SLC35H1: variants seen among roughly 807,000 people sequenced by gnomAD.
SLC35H1 encodes the protein solute carrier family 35 member H1.
chr20:46,351,013 TG>T, the SLC35H1 span: 3 of 1,298,160 alleles, frequency 2.3e-6, no homozygotes, highest in Non-Finnish European at 3.2e-6. Flanking sequence ...ACTGAAATCC[TG>T]GGCCCAGGCA....
the SLC35H1 span, among the ~76,000 whole-genome samples, chr20:46,354,431 G>C: frequency 6.6e-6 from 1 of 152,150 alleles, no homozygotes; most frequent in Non-Finnish European, 1.5e-5. Flanking sequence ...CCATTCCTTA[G>C]AGGCAAGATA....
chr20:46,358,728 T>G, the SLC35H1 span: 3 of 1,549,890 alleles, frequency 1.9e-6, no homozygotes, highest in Non-Finnish European at 2.6e-6. Flanking sequence ...CTTCCCATGG[T>G]TAATTGGATG....
At chr20:46,354,961 GAGGCCTGC>G in the SLC35H1 span, 2 of 1,613,998 alleles carry the variant, frequency 1.2e-6, no homozygotes, top group Non-Finnish European at 1.7e-6. Context: ...TGGGATTCTG[GAGGCCTGC>G]AGGGCGGGGG....
the SLC35H1 span, chr20:46,355,770 C>T: frequency 6.2e-7 from 1 of 1,613,548 alleles, no homozygotes; most frequent in Admixed American, 1.7e-5. The surrounding 1 kb of genome is among the most constrained non-coding windows in gnomAD (Gnocchi z 4.8). Context: ...TCTGTGGGGG[C>T]AGGAAGGACA....
the SLC35H1 span, among the ~76,000 whole-genome samples, chr20:46,359,527 GA>G: frequency 6.6e-6 from 1 of 152,188 alleles, no homozygotes; most frequent in Non-Finnish European, 1.5e-5. Context: ...GTTAAAAATG[GA>G]GAAGGAAACC....
chr20:46,357,903 G>A, the SLC35H1 span: 1 of 929,948 alleles, frequency 1.1e-6, no homozygotes, highest in South Asian at 1.6e-5. Context: ...TGCTATGTGT[G>A]TAGGGCCCTT....
At chr20:46,355,116 A>G in the SLC35H1 span, 13 of 1,613,986 alleles carry the variant, frequency 8.1e-6, no homozygotes, top group Non-Finnish European at 1.1e-5. This position sits in a 1 kb window ranked among gnomAD's most constrained non-coding sequence, Gnocchi z 4.8. Flanking sequence ...GGGTCCAGCG[A>G]ATGCCACCGA....
the SLC35H1 span, chr20:46,355,947 G>A: frequency 1.3e-6 from 2 of 1,597,076 alleles, no homozygotes; most frequent in South Asian, 1.1e-5. The surrounding 1 kb of genome is among the most constrained non-coding windows in gnomAD (Gnocchi z 4.8). Flanking sequence ...AGGAGCAGGA[G>A]CACAAATCAC....
chr20:46,350,450 G>A, the SLC35H1 span: 19 of 1,613,388 alleles, frequency 1.2e-5, no homozygotes, highest in Middle Eastern at 1.6e-4. Flanking sequence ...CCTTCCTCCC[G>A]CTGGCTGCTC....
the SLC35H1 span, chr20:46,352,484 G>A: frequency 1.8e-5 from 8 of 441,146 alleles, no homozygotes; most frequent in African/African-American, 4.0e-5. Context: ...AGGATGATGC[G>A]GATCCTAGCG....
the SLC35H1 span, chr20:46,350,174 C>T: frequency 4.8e-6 from 2 of 413,394 alleles, no homozygotes; most frequent in African/African-American, 2.0e-5. Flanking sequence ...GCAGCTTGGG[C>T]CCAGCTCTGG....
the SLC35H1 span, chr20:46,352,008 C>A: frequency 1.3e-6 from 2 of 1,599,020 alleles, no homozygotes; most frequent in Non-Finnish European, 1.7e-6. Flanking sequence ...CCCCTGGGGG[C>A]TCCCTCTCTA....
chr20:46,356,757 G>T, the SLC35H1 span: 3 of 849,974 alleles, frequency 3.5e-6, no homozygotes, highest in Admixed American at 7.3e-5. Context: ...CCTCCTGTGG[G>T]GCCCTTGGGC....
chr20:46,357,503 G>T, the SLC35H1 span: 1 of 1,219,108 alleles, frequency 8.2e-7, no homozygotes, highest in Non-Finnish European at 1.2e-6. Context: ...GGCAGAGGAG[G>T]AACAGTGCAG....
At chr20:46,364,416 G>A in the SLC35H1 span, 1 of 152,262 alleles carries the variant, frequency 6.6e-6, no homozygotes, top group Non-Finnish European at 1.5e-5. Flanking sequence ...CCGGAAGTGC[G>A]AGGCCGGATG....
the SLC35H1 span, chr20:46,350,498 C>T: frequency 6.2e-7 from 1 of 1,609,438 alleles, no homozygotes; most frequent in Admixed American, 1.7e-5. Flanking sequence ...GAGCCCAGCC[C>T]CTTCAAGGCC....
At chr20:46,362,950 G>A in the SLC35H1 span, 1 of 152,324 alleles carries the variant, frequency 6.6e-6, no homozygotes, top group Non-Finnish European at 1.5e-5. Flanking sequence ...ATTTTTAGTG[G>A]AGACAGGGTT....
chr20:46,347,519 C>T, the SLC35H1 span: 2 of 152,406 alleles, frequency 1.3e-5, no homozygotes, highest in East Asian at 1.9e-4. Context: ...CCAGTACTCA[C>T]TGAATGCTGT....
the SLC35H1 span, chr20:46,357,848 G>A: frequency 6.5e-6 from 10 of 1,548,522 alleles, no homozygotes; most frequent in East Asian, 2.3e-5. Flanking sequence ...CTTCCTCTTC[G>A]CCCCTCTGCT....
Sources: allele counts gnomAD v4.1 joint callset (sites outside exome capture counted in the v4.1 genomes callset), GRCh38; gene constraint gnomAD v4.1.1; non-coding constraint Gnocchi (gnomAD v3.1); transcripts MANE v1.5; gene names NCBI Gene and HGNC (gene_info 2026-07-23, HGNC 2026-07-21).